The following ETV1 variants were observed in gnomAD, a reference collection of about 807,000 sequenced individuals.
The protein encoded by ETV1 is ETS translocation variant 1.
In ETV1, 27 loss-of-function variants were observed where a neutral mutation model predicts 62.3. That is an observed-to-expected ratio of 0.43 (90% CI 0.32 to 0.60). The LOEUF is 0.60. Ranked by LOEUF, ETV1 falls within the 20% of genes least tolerant of loss-of-function variation. ETV1 has a pLI of 0.06. For missense variants in ETV1, 605 were observed against 605.8 expected (o/e 1.00, Z 0.01); for synonymous variants, 222 against 199.6 (o/e 1.11, Z -0.94).
intron 6 of ETV1, among the ~76,000 whole-genome samples, chr7:13,963,560 C>A (rs765436910): frequency 1.5e-4 from 22 of 150,748 alleles, no homozygotes; most frequent in Non-Finnish European, 3.1e-4. Flanking sequence ...TGCACACACA[C>A]ACCTATACGT....
At chr7:13,955,034 G>A (rs1317096175) in intron 6 of ETV1, among the ~76,000 whole-genome samples, 1 of 152,114 alleles carries the variant, frequency 6.6e-6, no homozygotes, top group Admixed American at 6.6e-5. Flanking sequence ...TTCTTAAAAC[G>A]AAATTTTCTG....
At chr7:13,917,475 GC>G (rs1252697635) in intron 9 of ETV1, among the ~76,000 whole-genome samples, 1 of 151,766 alleles carries the variant, frequency 6.6e-6, no homozygotes, top group Non-Finnish European at 1.5e-5. Context: ...GCACCACCAT[GC>G]CCTGCTAATT....
intron 13 of ETV1, among the ~76,000 whole-genome samples, chr7:13,897,327 T>A (rs2128401666): frequency 6.6e-6 from 1 of 152,322 alleles, no homozygotes; most frequent in South Asian, 2.1e-4. Context: ...AGTGTGTTCC[T>A]GGGTTATAAA....
At chr7:13,933,923 G>T (rs1018132445) in intron 8 of ETV1, among the ~76,000 whole-genome samples, 1 of 152,202 alleles carries the variant, frequency 6.6e-6, no homozygotes, top group African/African-American at 2.4e-5. Flanking sequence ...CAGGCACACT[G>T]CTTATTCAGC....
intron 6 of ETV1, among the ~76,000 whole-genome samples, chr7:13,976,577 A>T (rs1390325013): frequency 6.6e-6 from 1 of 152,174 alleles, no homozygotes; most frequent in Non-Finnish European, 1.5e-5. Context: ...ACAAATTTAG[A>T]TGTCACCAAC....
chr7:13,911,200 A>T (rs1047845389), intron 10 of ETV1, 39 bp downstream of exon 10: 1 of 1,408,010 alleles, frequency 7.1e-7, no homozygotes, highest in East Asian at 2.3e-5. Context: ...GATTATTCTG[A>T]ACGGTATTTA....
In ETV1 at chr7:13,891,859, C is replaced by T. The variant is rs1781403706; in HGVS notation, c.*4007G>A. Reference sequence around the variant, plus strand: ...TCGCAAATGGAAAATAGCTTACTCACTTCTTATTTTTAAATTTTAGTTTTT... The same window carrying T: ...TCGCAAATGGAAAATAGCTTACTCATTTCTTATTTTTAAATTTTAGTTTTT... On this transcript the variant is annotated 3_prime_UTR_variant, in exon 14 of 14. Transcript: ENST00000430479. The T allele has an allele frequency of 4.3e-6, 1 of 231,210 alleles. No individual in the cohort carries two copies. Among genetic ancestry groups the T allele is most frequent in the Non-Finnish European group, 8.6e-6 (1 of 116,954 alleles). 14.3% of individuals were successfully genotyped at this position (231,210 alleles called of 1,614,324 possible). A position where few individuals can be genotyped will look rare whatever the true frequency, so the allele number is the denominator to read the frequency against.
At position 13,895,820 on chromosome 7, in the gene ETV1, G is replaced by GA; in HGVS notation, c.*45dup. 1 of 1,321,846 alleles carries GA rather than the reference G, an allele frequency of 7.6e-7. No individual in the cohort carries two copies. The highest frequency in any genetic ancestry group is 1.1e-6 in the Non-Finnish European group (1 of 928,736). 81.9% of individuals were successfully genotyped at this position (1,321,846 alleles called of 1,614,324 possible). ...ATTCAGCAATTCTCTGTATCTTGCA[G>GA]AAAAAAGGAAAAGCGCAAAAACGCC... is the stretch of plus-strand genomic sequence containing the variant. On this transcript the variant is annotated 3_prime_UTR_variant, in exon 14 of 14. Transcript: ENST00000430479.
intron 6 of ETV1, among the ~76,000 whole-genome samples, chr7:13,948,704 C>G (rs1388260773): frequency 6.6e-6 from 1 of 152,156 alleles, no homozygotes; most frequent in Non-Finnish European, 1.5e-5. Context: ...GAAATATTTA[C>G]TATCTGACTC....
chr7:13,954,469 AT>A (rs1266460439), intron 6 of ETV1, among the ~76,000 whole-genome samples: 1 of 152,146 alleles, frequency 6.6e-6, no homozygotes, highest in Non-Finnish European at 1.5e-5. Context: ...GGGAAATACT[AT>A]TATCGTTCCA....
chr7:13,958,106 A>C (rs1455362307), intron 6 of ETV1, among the ~76,000 whole-genome samples: 1 of 152,180 alleles, frequency 6.6e-6, no homozygotes, highest in East Asian at 1.9e-4. Context: ...ACTGACATAA[A>C]ATTTCTGGTA....
At chr7:13,978,453 G>C (rs1781667092) in intron 5 of ETV1, among the ~76,000 whole-genome samples, 1 of 151,818 alleles carries the variant, frequency 6.6e-6, no homozygotes, top group Non-Finnish European at 1.5e-5. Context: ...CTTTTAATTT[G>C]ATAAAAATAT....
chr7:13,930,224 T>C (rs1421579085), intron 9 of ETV1, among the ~76,000 whole-genome samples: 1 of 152,214 alleles, frequency 6.6e-6, no homozygotes, highest in Admixed American at 6.5e-5. Context: ...ACAGATGTCC[T>C]GATTTGGCAG....
intron 12 of ETV1, 86 bp downstream of exon 12, chr7:13,906,344 T>C: frequency 1.1e-6 from 1 of 883,058 alleles, no homozygotes. Flanking sequence ...TGATTAAGAA[T>C]ACATTTTTGG....
rs1351110474 is a variant in ETV1 at position 13,895,425 on chromosome 7, G to A, written c.*441C>T. 1 of 239,196 alleles carries A rather than the reference G, an allele frequency of 4.2e-6. No homozygotes were observed. Among genetic ancestry groups the A allele is most frequent in the Non-Finnish European group, 8.2e-6 (1 of 121,492 alleles). 14.8% of individuals were successfully genotyped at this position (239,196 alleles called of 1,614,324 possible). A position where few individuals can be genotyped will look rare whatever the true frequency, so the allele number is the denominator to read the frequency against. ...ACCTGCAGAGACTCATAAATGACAGGGGAAAATGCCCAAGGCAAATAGTCT... is the reference window on the plus strand; with the variant it reads ...ACCTGCAGAGACTCATAAATGACAGAGGAAAATGCCCAAGGCAAATAGTCT... On this transcript the variant is annotated 3_prime_UTR_variant, in exon 14 of 14. Coordinates refer to ENST00000430479, the MANE Select transcript of ETV1 (RefSeq NM_004956.5).
Position 13,919,463 on chromosome 7 carries a change from G to A in ETV1, c.803-8156C>T, listed in dbSNP as rs7797218. Among the ~76,000 whole-genome samples the A allele has an allele frequency of 8.6e-3, 1,262 of 147,166 alleles. 20 individuals carry two copies. The highest frequency in any genetic ancestry group is 0.027 in the African/African-American group (1,083 of 39,796). Reference sequence around the variant, plus strand: ...AAATGAATCACAATAACACATGCTTGTTGTTCTTTTGGTTTTTTTTTTTTG... The same window carrying A: ...AAATGAATCACAATAACACATGCTTATTGTTCTTTTGGTTTTTTTTTTTTG... On this transcript the variant is annotated intron_variant, in intron 9 of 13. Transcript: ENST00000430479.
intron 11 of ETV1, among the ~76,000 whole-genome samples, chr7:13,908,771 T>C (rs1181307481): frequency 2.6e-5 from 4 of 152,074 alleles, no homozygotes; most frequent in Non-Finnish European, 4.4e-5. Context: ...GCTGTTTAAA[T>C]AATGACAATT....
At chr7:13,950,076 T>C (rs567332026) in intron 6 of ETV1, among the ~76,000 whole-genome samples, 1 of 152,244 alleles carries the variant, frequency 6.6e-6, no homozygotes, top group South Asian at 2.1e-4. Context: ...GTTTTTAAAC[T>C]GAAGCAGACA....
At chr7:13,940,927 A>T (rs1228591835) in intron 6 of ETV1, among the ~76,000 whole-genome samples, 2 of 152,238 alleles carry the variant, frequency 1.3e-5, no homozygotes, top group African/African-American at 4.8e-5. Flanking sequence ...CCAAATACGC[A>T]CATTTTACTT....
Sources: gnomAD v4.1 joint callset for allele counts (sites outside exome capture counted in the v4.1 genomes callset) on GRCh38, gnomAD v4.1.1 for gene constraint, MANE v1.5 for transcripts, NCBI Gene and HGNC (gene_info 2026-07-23, HGNC 2026-07-21) for gene names.